GNAQ: variants seen among roughly 807,000 people sequenced by gnomAD.
GNAQ encodes the protein guanine nucleotide-binding protein G(q) subunit alpha.
In GNAQ, 8 loss-of-function variants were observed where a neutral mutation model predicts 43.9. The ratio of observed to expected loss-of-function variants is 0.18; its 90% CI spans 0.11 to 0.33. The LOEUF is 0.33. Among genes scored for constraint, GNAQ ranks in the 10% least tolerant of loss-of-function variants. The probability of loss-of-function intolerance (pLI) is 1.00; values close to 1 mark genes in which losing one functional copy is unlikely to be tolerated. For missense variants in GNAQ, 158 were observed against 450.8 expected, an observed-to-expected ratio of 0.35 and a Z score of 5.88; for synonymous variants, 155 against 170.7, an observed-to-expected ratio of 0.91 and a Z score of 0.71.
At chr9:77,951,092 C>CCTTT (rs1822969996) in intron 1 of GNAQ, among the ~76,000 whole-genome samples, 1 of 89,318 alleles carries the variant, frequency 1.1e-5, no homozygotes, top group Non-Finnish European at 2.0e-5. Context: ...GTCAAGTGTT[C>CCTTT]TTTTTTTTTT....
intron 1 of GNAQ, among the ~76,000 whole-genome samples, chr9:77,993,524 A>C (rs1213569349): frequency 6.6e-6 from 1 of 151,998 alleles, no homozygotes; most frequent in Non-Finnish European, 1.5e-5. Flanking sequence ...ATTGTGAAAC[A>C]CTGTCTCTAC....
At chr9:77,837,787 A>C (rs1440937528) in intron 2 of GNAQ, among the ~76,000 whole-genome samples, 1 of 152,172 alleles carries the variant, frequency 6.6e-6, no homozygotes, top group Non-Finnish European at 1.5e-5. Flanking sequence ...ATAAATTCCT[A>C]AAAGAAATAC....
chr9:77,781,222 G>A lies in GNAQ; in HGVS notation c.735+13241C>T, dbSNP rs189716813. ...CCCTATGTTTTCCTCTAGCAGTTTT[G>A]TGTCTTATATTTAGGTCTTTGATCC... On this transcript the variant is annotated intron_variant, in intron 5 of 6. Transcript: ENST00000286548. Among the ~76,000 whole-genome samples the A allele has an allele frequency of 2.0e-3, 297 of 151,968 alleles. 4 individuals carry two copies. Among genetic ancestry groups the A allele is most frequent in the Admixed American group, 0.015 (231 of 15,258 alleles).
At chr9:77,769,144 T>C (rs1444528054) in intron 5 of GNAQ, among the ~76,000 whole-genome samples, 1 of 152,196 alleles carries the variant, frequency 6.6e-6, no homozygotes, top group Non-Finnish European at 1.5e-5. Context: ...CTGCTGCCTG[T>C]AATTCCAGCA....
chr9:77,789,839 G>A (rs11792625), intron 5 of GNAQ, among the ~76,000 whole-genome samples: 3 of 152,008 alleles, frequency 2.0e-5, no homozygotes, highest in African/African-American at 7.2e-5. Context: ...CCCTATACCC[G>A]GATCAGCACT....
chr9:77,825,583 C>T (rs914367502), intron 2 of GNAQ, among the ~76,000 whole-genome samples: 6 of 152,182 alleles, frequency 3.9e-5, no homozygotes, highest in Non-Finnish European at 7.3e-5. Flanking sequence ...AATGCCCACA[C>T]GCTGTCTTTG....
chr9:77,794,149 A>G (rs1247634521), intron 5 of GNAQ, among the ~76,000 whole-genome samples: 1 of 152,178 alleles, frequency 6.6e-6, no homozygotes, highest in African/African-American at 2.4e-5. Flanking sequence ...TCCCAGTTCT[A>G]TCCTGTAGGA....
At position 77,755,496 on chromosome 9, in the gene GNAQ, A is replaced by G. The variant is rs117581164; in HGVS notation, c.736-26829T>C. Among the ~76,000 whole-genome samples, 69 of 152,352 alleles carry G rather than the reference A, an allele frequency of 4.5e-4. 1 individual carries two copies. The East Asian group carries it at 0.013, about 28-fold the overall frequency. ...CTATAAATATATATGCCATGTACTC[A>G]TAATTTTTTTAAAAAAAGAAACTTC... is the stretch of plus-strand genomic sequence containing the variant. On this transcript the variant is annotated intron_variant, in intron 5 of 6. Transcript: ENST00000286548.
At chr9:77,981,558 G>A (rs575559340) in intron 1 of GNAQ, among the ~76,000 whole-genome samples, 1 of 152,282 alleles carries the variant, frequency 6.6e-6, no homozygotes, top group South Asian at 2.1e-4. Flanking sequence ...GAATCAGGAA[G>A]TTCATAGCTG....
intron 5 of GNAQ, among the ~76,000 whole-genome samples, chr9:77,747,917 A>G (rs1010465219): frequency 1.9e-4 from 29 of 152,194 alleles, no homozygotes; most frequent in Non-Finnish European, 4.4e-5. Flanking sequence ...CCTGGCTACA[A>G]GTCCATGGTT....
At chr9:77,988,087 T>C (rs945172438) in intron 1 of GNAQ, among the ~76,000 whole-genome samples, 1 of 152,106 alleles carries the variant, frequency 6.6e-6, no homozygotes, top group African/African-American at 2.4e-5. Context: ...GAAAAGAGGT[T>C]AGTAGGTTCA....
chr9:77,766,389 T>C (rs1826136770), intron 5 of GNAQ, among the ~76,000 whole-genome samples: 1 of 152,184 alleles, frequency 6.6e-6, no homozygotes, highest in South Asian at 2.1e-4. Flanking sequence ...TATTAGAAAG[T>C]GAATTGTTCT....
chr9:78,030,899 G>A (rs1235960634), intron 1 of GNAQ, among the ~76,000 whole-genome samples: 3 of 151,330 alleles, frequency 2.0e-5, no homozygotes, highest in African/African-American at 7.3e-5. Context: ...GTGTGTGTGT[G>A]TGTGTGTGTG....
At chr9:77,931,175 C>A (rs927205772) in intron 1 of GNAQ, among the ~76,000 whole-genome samples, 1 of 148,110 alleles carries the variant, frequency 6.8e-6, no homozygotes, top group African/African-American at 2.5e-5. Flanking sequence ...TGTAGGACAG[C>A]GGTCCCTGTC....
chr9:77,815,469 A>G (rs553766740), intron 3 of GNAQ, 147 bp downstream of exon 3: 14 of 500,122 alleles, frequency 2.8e-5, no homozygotes, highest in African/African-American at 2.6e-4. Flanking sequence ...TGAGGTTGGC[A>G]TAAGTTCAAT....
chr9:77,918,523 AAAT>A (rs1395303569), intron 2 of GNAQ, among the ~76,000 whole-genome samples: 2 of 152,200 alleles, frequency 1.3e-5, no homozygotes, highest in Admixed American at 1.3e-4. Context: ...CCAAAACATA[AAAT>A]ATTATTATTA....
chr9:77,901,129 A>G (rs563840438), intron 2 of GNAQ, among the ~76,000 whole-genome samples: 50 of 152,228 alleles, frequency 3.3e-4, no homozygotes, highest in Admixed American at 7.9e-4. Flanking sequence ...GCTTCCAGAA[A>G]GTACCACACT....
chr9:77,838,801 A>G (rs1827437098), intron 2 of GNAQ, among the ~76,000 whole-genome samples: 1 of 152,166 alleles, frequency 6.6e-6, no homozygotes, highest in Non-Finnish European at 1.5e-5. Context: ...TTTAATATAT[A>G]TATATAAATG....
At chr9:77,741,114 A>AGT (rs1265056017) in intron 5 of GNAQ, among the ~76,000 whole-genome samples, 1 of 152,244 alleles carries the variant, frequency 6.6e-6, no homozygotes, top group Non-Finnish European at 1.5e-5. Context: ...TAGTTGGCTA[A>AGT]GTGTACAATA....
Sources: allele counts gnomAD v4.1 joint callset (sites outside exome capture counted in the v4.1 genomes callset), GRCh38; gene constraint gnomAD v4.1.1; transcripts MANE v1.5; gene names NCBI Gene and HGNC (gene_info 2026-07-23, HGNC 2026-07-21).